CASKIN1: variants seen among roughly 807,000 people sequenced by gnomAD.
The protein encoded by CASKIN1 is CASK interacting protein 1, also known as caskin-1.
Under a neutral mutation model 117.5 loss-of-function variants are expected in CASKIN1, and 42 were observed. The ratio of observed to expected loss-of-function variants is 0.36; its 90% confidence interval spans 0.28 to 0.46. CASKIN1 has a LOEUF of 0.46. Ranked by LOEUF, CASKIN1 falls within the 20% of genes least tolerant of loss-of-function variation. The pLI, the probability that CASKIN1 is intolerant of heterozygous loss-of-function variation, is 1.00. For synonymous variants in CASKIN1, 1,148 were observed against 961.7 expected (o/e 1.19, Z -3.59); for missense variants, 2,083 against 2,077.3 (o/e 1.00, Z -0.05).
Position 2,179,697 on chromosome 16 carries a change from G to A in CASKIN1, c.3671C>T (p.Pro1224Leu), listed in dbSNP as rs1309351320. ...CAGGACGGGCTTGGGAGAGACAGGC[G>A]GCTTGGCCGGCTTCCGGGCTTCGCC... is the stretch of plus-strand genomic sequence containing the variant. ...PEGEARKPAK[P>L]PVSPKPVLTQ... The change falls in exon 18 of 20, where the codon CCG becomes CTG. Residue 1224 changes from proline to leucine, a missense_variant. By Grantham distance (98) the Pro-to-Leu change is moderately conservative. Transcript: ENST00000343516. This position sits in a 1 kb window ranked among gnomAD's most constrained non-coding sequence, Gnocchi z 5.8. 2 of 1,521,976 alleles carry A rather than the reference G, an allele frequency of 1.3e-6. No homozygotes were observed. The highest frequency in any genetic ancestry group is 1.4e-5 in the African/African-American group (1 of 72,186). The allele number at this position is 1,521,976 out of a possible 1,614,324, so 94.3% of individuals were successfully genotyped here.
At chr16:2,181,657 G>C in intron 17 of CASKIN1, 58 bp from the exon 18 acceptor site, 1 of 1,489,250 alleles carries the variant, frequency 6.7e-7, no homozygotes, top group South Asian at 1.2e-5. Flanking sequence ...GCAGGGGCCG[G>C]GCTAGGGGCG....
chr16:2,179,584 C>T lies in CASKIN1; in HGVS notation c.3775+9G>A. 5 of 1,437,026 alleles carry T rather than the reference C, an allele frequency of 3.5e-6. No homozygotes were observed. The highest frequency in any genetic ancestry group is 3.6e-6 in the Non-Finnish European group (4 of 1,101,136). The allele number at this position is 1,437,026 out of a possible 1,614,324, so 89.0% of individuals were successfully genotyped here. A position where few individuals can be genotyped will look rare whatever the true frequency, so the allele number is the denominator to read the frequency against. ...CTGTTGCCCCTTCACCCCACCCTGG[C>T]TGGCCTACCTGGGCTGCCAGGGCCT... is the stretch of plus-strand genomic sequence containing the variant. On this transcript the variant is annotated intron_variant, in intron 18 of 19. Coordinates refer to ENST00000343516, the MANE Select transcript of CASKIN1 (RefSeq NM_020764.4). The surrounding 1 kb of genome is among the most constrained non-coding windows in gnomAD (Gnocchi z 5.8).
chr16:2,184,552 G>A (rs2093178032), intron 14 of CASKIN1, among the ~76,000 whole-genome samples: 1 of 152,100 alleles, frequency 6.6e-6, no homozygotes, highest in Admixed American at 6.5e-5. Flanking sequence ...CACACACAGA[G>A]GCACAGGTTG....
At position 2,189,404 on chromosome 16, in the gene CASKIN1, C is replaced by T; in HGVS notation, c.390+15G>A. On this transcript the variant is annotated intron_variant, in intron 4 of 19. Transcript: ENST00000343516. ...CTGCCCCGCCCCCGCTGCCCCGCCC[C>T]CGCTCGGGCCTCACCACATCATAGT... 6.2e-7 allele frequency: 1 copy of T among 1,610,560 alleles called. No homozygotes were observed.
intron 12 of CASKIN1, 38 bp from the exon 13 acceptor site, chr16:2,185,073 G>A (rs2093179849): frequency 6.2e-7 from 1 of 1,607,682 alleles, no homozygotes. Flanking sequence ...CCTGCTCCCA[G>A]CCCTGGCCAC....
Position 2,177,757 on chromosome 16 carries a change from A to G in CASKIN1, c.*793T>C. The stretch of plus-strand genomic sequence containing the variant: ...CAAACCCACCCGCGCCCTGGGACGC[A>G]GCCACGCCAGGAGGAGGACACGGCC... On this transcript the variant is annotated 3_prime_UTR_variant, in exon 20 of 20. Transcript: ENST00000343516. 4.1e-6 allele frequency: 1 copy of G among 243,130 alleles called. No homozygotes were observed. The highest frequency in any genetic ancestry group is 8.1e-6 in the Non-Finnish European group (1 of 123,364). 15.1% of individuals were successfully genotyped at this position (243,130 alleles called of 1,614,324 possible).
Position 2,181,608 on chromosome 16 carries a change from G to A in CASKIN1, c.1769-9C>T, listed in dbSNP as rs781514977. 6 of 1,548,656 alleles carry A rather than the reference G, an allele frequency of 3.9e-6. No homozygotes were observed. In the Admixed American group the frequency reaches 1.2e-4, roughly 30 times the overall value. On this transcript the variant is annotated splice_polypyrimidine_tract_variant and intron_variant, in intron 17 of 19. Coordinates refer to ENST00000343516, the MANE Select transcript of CASKIN1 (RefSeq NM_020764.4). Reference sequence around the variant, plus strand: ...CAGCTTCTTCTGGTGCCCTGAGTGGGGCGCAGGGGGCAGGTCAGGTGGACC... The same window carrying A: ...CAGCTTCTTCTGGTGCCCTGAGTGGAGCGCAGGGGGCAGGTCAGGTGGACC...
intron 1 of CASKIN1, among the ~76,000 whole-genome samples, chr16:2,195,252 G>A (rs1182097597): frequency 6.6e-6 from 1 of 152,194 alleles, no homozygotes; most frequent in African/African-American, 2.4e-5. Context: ...GTACGGGGGA[G>A]GGGGTCCTCC....
chr16:2,177,847 A>AGCCCCCGGCAGAGCACCC lies in CASKIN1; in HGVS notation c.*685_*702dup, dbSNP rs1369232810. On this transcript the variant is annotated 3_prime_UTR_variant, in exon 20 of 20. Coordinates refer to ENST00000343516, the MANE Select transcript of CASKIN1 (RefSeq NM_020764.4). ...AGAACTTAGGAGAGAAGCACGGAGG[A>AGCCCCCGGCAGAGCACCC]GCCCCCGGCAGAGCACCCGCCCCCG... is the stretch of plus-strand genomic sequence containing the variant. The AGCCCCCGGCAGAGCACCC allele has an allele frequency of 7.4e-6, 2 of 271,436 alleles. No homozygotes were observed. Among genetic ancestry groups the AGCCCCCGGCAGAGCACCC allele is most frequent in the Admixed American group, 1.1e-4 (2 of 18,668 alleles). The allele number at this position is 271,436 out of a possible 1,614,324, so 16.8% of individuals were successfully genotyped here. A position where few individuals can be genotyped will look rare whatever the true frequency, so the allele number is the denominator to read the frequency against.
chr16:2,190,825 G>C (rs559413732), intron 1 of CASKIN1, among the ~76,000 whole-genome samples: 1 of 152,184 alleles, frequency 6.6e-6, no homozygotes, highest in East Asian at 1.9e-4. Flanking sequence ...GGGTATCTCT[G>C]GGGGAGGATC....
At position 2,178,216 on chromosome 16, in the gene CASKIN1, G is replaced by A. The variant is rs1215457114; in HGVS notation, c.*334C>T. 13 of 438,274 alleles carry A rather than the reference G, an allele frequency of 3.0e-5. No individual in the cohort carries two copies. The Admixed American group carries it at 3.5e-4, about 12-fold the overall frequency. The allele number at this position is 438,274 out of a possible 1,614,324, so 27.1% of individuals were successfully genotyped here. ...GCCCGAGCGGCTGGCCGGGCGTCCCGATGGGCAGTTCTGTGCTGGGCCCGG... is the reference window on the plus strand; with the variant it reads ...GCCCGAGCGGCTGGCCGGGCGTCCCAATGGGCAGTTCTGTGCTGGGCCCGG... On this transcript the variant is annotated 3_prime_UTR_variant, in exon 20 of 20. Coordinates refer to ENST00000343516, the MANE Select transcript of CASKIN1 (RefSeq NM_020764.4).
rs2093156537 is a variant in CASKIN1 at position 2,179,031 on chromosome 16, G to A, written c.4070C>T (p.Pro1357Leu). 1 of 1,147,280 alleles carries A rather than the reference G, an allele frequency of 8.7e-7. No homozygotes were observed. Among genetic ancestry groups the A allele is most frequent in the East Asian group, 4.1e-5 (1 of 24,206 alleles). 71.1% of individuals were successfully genotyped at this position (1,147,280 alleles called of 1,614,324 possible). A position where few individuals can be genotyped will look rare whatever the true frequency, so the allele number is the denominator to read the frequency against. Residue 1357 changes from proline to leucine, a missense_variant, in exon 19 of 20, where the codon CCC (proline) becomes CTC (leucine). Coordinates refer to ENST00000343516, the MANE Select transcript of CASKIN1 (RefSeq NM_020764.4). This position sits in a 1 kb window ranked among gnomAD's most constrained non-coding sequence, Gnocchi z 5.8. ...TGGCGAGGCGCCTTCGGGCGGGGCG[G>A]GGGGCGCGGCGGCGGCGGCGGCGGC... ...AAAAAAAAAP[P>L]APPEGASPGD...
In CASKIN1 at chr16:2,181,242, A is replaced by G; in HGVS notation, c.2126T>C (p.Leu709Pro). Reference sequence around the variant, plus strand: ...GGGCCCAGGGGGCCCATCTCCCAGCAGCTCCTGCGAGCTGCTCATGTGCCG... The same window carrying G: ...GGGCCCAGGGGGCCCATCTCCCAGCGGCTCCTGCGAGCTGCTCATGTGCCG... ...RARHMSSSQELLGDGPPGPSS... is the reference protein window; with the variant it reads ...RARHMSSSQEPLGDGPPGPSS... Residue 709 changes from leucine to proline, a missense_variant, in exon 18 of 20, where the codon CTG becomes CCG. Leu to Pro is a moderately conservative substitution (Grantham distance 98, BLOSUM62 -3). This residue lies in a region of CASKIN1 where 1,818 missense variants were observed against 1,688.9 expected (regional missense o/e 1.08). Coordinates refer to ENST00000343516, the MANE Select transcript of CASKIN1 (RefSeq NM_020764.4). 6.3e-7 allele frequency: 1 copy of G among 1,596,288 alleles called. No individual in the cohort carries two copies. The highest frequency in any genetic ancestry group is 1.1e-5 in the South Asian group (1 of 90,564).
rs760032220 is a variant in CASKIN1, at chr16:2,189,175, G to T, written c.487-18C>A. The T allele has an allele frequency of 2.5e-6, 4 of 1,612,660 alleles. No homozygotes were observed. In the South Asian group the frequency reaches 4.4e-5, roughly 18 times the overall value. On this transcript the variant is annotated intron_variant, in intron 5 of 19. Coordinates refer to ENST00000343516, the MANE Select transcript of CASKIN1 (RefSeq NM_020764.4). ...TGGACCACCTTGAAGGAGGGGTCAG[G>T]GTAGGGGGGTCCTGATGTGGGGCTC...
intron 1 of CASKIN1, among the ~76,000 whole-genome samples, chr16:2,191,339 C>T (rs546576149): frequency 6.6e-6 from 1 of 152,312 alleles, no homozygotes; most frequent in South Asian, 2.1e-4. Context: ...CGGCCTCAGT[C>T]CCAGCCACTG....
At position 2,179,621 on chromosome 16, in the gene CASKIN1, C is replaced by T. The variant is rs764063419; in HGVS notation, c.3747G>A (p.Lys1249=). The T allele has an allele frequency of 8.2e-6, 12 of 1,464,392 alleles. 1 individual carries two copies. The highest frequency in any genetic ancestry group is 2.7e-5 in the Admixed American group (1 of 36,666). 90.7% of individuals were successfully genotyped at this position (1,464,392 alleles called of 1,614,324 possible). The change falls in exon 18 of 20, where the codon AAG becomes AAA. Residue 1249 remains lysine (K), a synonymous_variant. Coordinates refer to ENST00000343516, the MANE Select transcript of CASKIN1 (RefSeq NM_020764.4). This position sits in a 1 kb window ranked among gnomAD's most constrained non-coding sequence, Gnocchi z 5.8. The stretch of plus-strand genomic sequence containing the variant: ...GGCTGCCAGGGCCTGGCAGCGGCAC[C>T]TTCTTGGAGGTGGGTGTGGGCGAGC... The part of the protein sequence containing the change: ...LQGSPTPTSK[K]VPLPGPGSPE...
chr16:2,187,882 G>A (rs565665237), intron 6 of CASKIN1, among the ~76,000 whole-genome samples: 25 of 152,032 alleles, frequency 1.6e-4, no homozygotes, highest in Non-Finnish European at 3.2e-4. Context: ...GTGCGCCACT[G>A]CACCTGGCCT....
rs1368421382 is a variant in CASKIN1, at chr16:2,190,149, C to T, written c.168G>A (p.Ala56=). The T allele has an allele frequency of 4.3e-6, 7 of 1,612,950 alleles. No homozygotes were observed. The highest frequency in any genetic ancestry group is 1.1e-5 in the South Asian group (1 of 91,094). Residue 56 remains alanine, a synonymous_variant, in exon 3 of 20, where the codon GCG becomes GCA. Coordinates refer to ENST00000343516, the MANE Select transcript of CASKIN1 (RefSeq NM_020764.4). ...TCAATTCCGTGTTGCCGTTCAGGGC[C>T]GCATGGTGCAGAGCCGAGAAGCTGG... ...DPDGFSALHH[A]ALNGNTELIS... is the part of the protein sequence containing the mutation.
intron 10 of CASKIN1, among the ~76,000 whole-genome samples, chr16:2,186,499 A>C (rs760966491): frequency 3.9e-5 from 6 of 152,144 alleles, no homozygotes; most frequent in Non-Finnish European, 5.9e-5. Flanking sequence ...ACATGGCAGC[A>C]CACAGTGCTT....
Sources: allele counts gnomAD v4.1 joint callset (sites outside exome capture counted in the v4.1 genomes callset), GRCh38; gene constraint gnomAD v4.1.1; regional missense constraint gnomAD v4.1.1; non-coding constraint Gnocchi (gnomAD v3.1); transcripts MANE v1.5; gene names NCBI Gene and HGNC (gene_info 2026-07-23, HGNC 2026-07-21).